Variants in FAM13A observed in about 807,000 individuals in gnomAD.
The protein encoded by FAM13A is family with sequence similarity 13 member A, also known as protein FAM13A.
Under a neutral mutation model 129.6 loss-of-function variants are expected in FAM13A, and 76 were observed. That is an observed-to-expected ratio of 0.59 (90% CI 0.49 to 0.71). The LOEUF is 0.71. Ranked by LOEUF, FAM13A falls within the 30% of genes least tolerant of loss-of-function variation. The probability of loss-of-function intolerance (pLI) is 0.00; values close to 1 mark genes in which losing one functional copy is unlikely to be tolerated. For synonymous variants in FAM13A, 443 were observed against 449.9 expected (o/e 0.98, Z 0.20); for missense variants, 1,108 against 1,249.3 (o/e 0.89, Z 1.70).
At chr4:88,913,208 GAAC>G (rs1749419825) in intron 5 of FAM13A, among the ~76,000 whole-genome samples, 5 of 117,898 alleles carry the variant, frequency 4.2e-5, no homozygotes, top group Admixed American at 1.7e-4. Context: ...AGAGGAAGAA[GAAC>G]AGGAGGAAGA....
At chr4:88,964,684 G>A (rs1268713434) in intron 4 of FAM13A, among the ~76,000 whole-genome samples, 1 of 146,852 alleles carries the variant, frequency 6.8e-6, no homozygotes, top group Non-Finnish European at 1.5e-5. Context: ...CTGGAGTGAA[G>A]TGGTGCTACC....
At chr4:88,990,608 T>C (rs1762811954) in intron 4 of FAM13A, 2 of 166,664 alleles carry the variant, frequency 1.2e-5, no homozygotes, top group South Asian at 3.6e-4. Flanking sequence ...TTGGCAATAA[T>C]TTGAACTTTA....
At chr4:88,774,526 CAGG>C (rs1259069119) in intron 11 of FAM13A, among the ~76,000 whole-genome samples, 1 of 152,022 alleles carries the variant, frequency 6.6e-6, no homozygotes, top group East Asian at 1.9e-4. Flanking sequence ...GGTTTTTTAA[CAGG>C]AGTTCTTGCT....
chr4:88,863,589 C>G (rs1430185905), intron 6 of FAM13A, among the ~76,000 whole-genome samples: 2 of 152,164 alleles, frequency 1.3e-5, no homozygotes, highest in Admixed American at 6.5e-5. Context: ...CTGGGACTTA[C>G]ATCTGAAATT....
chr4:89,048,205 T>C (rs977549661), intron 1 of FAM13A, among the ~76,000 whole-genome samples: 1 of 152,184 alleles, frequency 6.6e-6, no homozygotes, highest in Admixed American at 6.5e-5. Context: ...CCTAGCAGCA[T>C]TATTGATAAT....
chr4:88,866,992 G>GTAAA (rs1260792342), intron 6 of FAM13A, among the ~76,000 whole-genome samples: 2 of 152,110 alleles, frequency 1.3e-5, no homozygotes, highest in African/African-American at 4.8e-5. Context: ...AAGCAGTTAG[G>GTAAA]TAAATATACA....
rs563553124 is a variant in FAM13A, at chr4:89,008,572, C to T, written c.427+11888G>A. Among the ~76,000 whole-genome samples, 3 of 152,314 alleles carry T rather than the reference C, an allele frequency of 2.0e-5. No individual in the cohort carries two copies. In the South Asian group the frequency reaches 6.2e-4, roughly 32 times the overall value. Reference sequence around the variant, plus strand: ...TTATGGTGGCCCTAGCTGATTAATACAAGCAGTATAAAATAAAAAGGCTAG... The same window carrying T: ...TTATGGTGGCCCTAGCTGATTAATATAAGCAGTATAAAATAAAAAGGCTAG... On this transcript the variant is annotated intron_variant, in intron 3 of 23. Coordinates refer to ENST00000264344, the MANE Select transcript of FAM13A (RefSeq NM_014883.4).
At chr4:89,011,331 T>C (rs1480423459) in intron 3 of FAM13A, among the ~76,000 whole-genome samples, 2 of 152,182 alleles carry the variant, frequency 1.3e-5, no homozygotes, top group Non-Finnish European at 2.9e-5. Context: ...CCCTGAATTG[T>C]ACTTAAAAAT....
intron 1 of FAM13A, among the ~76,000 whole-genome samples, chr4:89,034,980 G>A (rs1175588157): frequency 1.3e-5 from 2 of 152,174 alleles, no homozygotes; most frequent in Admixed American, 6.5e-5. Flanking sequence ...ATGAATTTGG[G>A]TGCCCATGAG....
At chr4:88,747,250 G>C in intron 18 of FAM13A, among the ~76,000 whole-genome samples, 1 of 152,124 alleles carries the variant, frequency 6.6e-6, no homozygotes, top group East Asian at 1.9e-4. Flanking sequence ...GCAAAGGTAA[G>C]GTGAACACTG....
chr4:88,751,260 CA>C (rs1471654495), intron 14 of FAM13A, among the ~76,000 whole-genome samples: 1 of 149,840 alleles, frequency 6.7e-6, no homozygotes, highest in East Asian at 2.0e-4. Context: ...AACAAGCAAA[CA>C]AAAAAAAACA....
intron 6 of FAM13A, among the ~76,000 whole-genome samples, chr4:88,895,382 C>T (rs1361830075): frequency 6.6e-6 from 1 of 151,816 alleles, no homozygotes; most frequent in Non-Finnish European, 1.5e-5. Flanking sequence ...GTCTAAAACA[C>T]CAAAAGCAAT....
rs763541952 is a variant in FAM13A at position 89,057,162 on chromosome 4, T to G, written c.-198A>C. ...TGCTTCTCTTTCCGCTGAACCCACA[T>G]GGCTGGAAGGACTGCCTGGAGTTGA... On this transcript the variant is annotated 5_prime_UTR_variant, in exon 1 of 24. An upstream start codon of the reference 5' UTR is lost. Coordinates refer to ENST00000264344, the MANE Select transcript of FAM13A (RefSeq NM_014883.4). 4.2e-6 allele frequency: 6 copies of G among 1,427,156 alleles called. No homozygotes were observed. Among genetic ancestry groups the G allele is most frequent in the Non-Finnish European group, 5.5e-6 (6 of 1,092,192 alleles). The allele number at this position is 1,427,156 out of a possible 1,614,324, so 88.4% of individuals were successfully genotyped here. A position where few individuals can be genotyped will look rare whatever the true frequency, so the allele number is the denominator to read the frequency against.
At chr4:88,847,853 C>A (rs887790835) in intron 7 of FAM13A, among the ~76,000 whole-genome samples, 1 of 151,778 alleles carries the variant, frequency 6.6e-6, no homozygotes, top group Non-Finnish European at 1.5e-5. Flanking sequence ...AGGAGAATGG[C>A]GTGAACCCAG....
chr4:89,029,292 G>A (rs1269561760), intron 2 of FAM13A, among the ~76,000 whole-genome samples, 168 bp downstream of exon 2: 1 of 152,174 alleles, frequency 6.6e-6, no homozygotes. Flanking sequence ...ATCATGTTAA[G>A]CAGTAATGCC....
At chr4:88,817,107 C>T (rs1730890134) in intron 7 of FAM13A, among the ~76,000 whole-genome samples, 1 of 152,014 alleles carries the variant, frequency 6.6e-6, no homozygotes, top group Non-Finnish European at 1.5e-5. Flanking sequence ...AAACATTATA[C>T]CAAGGGGAAG....
intron 7 of FAM13A, among the ~76,000 whole-genome samples, chr4:88,845,184 A>T (rs1366006260): frequency 7.8e-6 from 1 of 128,008 alleles, no homozygotes; most frequent in Admixed American, 7.3e-5. Context: ...GGAGACATTG[A>T]AAAAAAAACA....
At chr4:88,945,990 G>GTGTGTGTGTGTATGTATA in intron 4 of FAM13A, among the ~76,000 whole-genome samples, 1 of 61,964 alleles carries the variant, frequency 1.6e-5, no homozygotes, top group Non-Finnish European at 2.9e-5. Flanking sequence ...GTGTGTGTGT[G>GTGTGTGTGTGTATGTATA]TATATATATA....
At chr4:88,738,950 G>A (rs978190121) in intron 20 of FAM13A, 80 bp downstream of exon 20, 1 of 886,848 alleles carries the variant, frequency 1.1e-6, no homozygotes, top group Admixed American at 1.7e-5. Context: ...TGAGAAAGCA[G>A]GTTAGGGCCC....
Sources: gnomAD v4.1 joint callset for allele counts (sites outside exome capture counted in the v4.1 genomes callset) on GRCh38, gnomAD v4.1.1 for gene constraint, MANE v1.5 for transcripts, NCBI Gene and HGNC (gene_info 2026-07-23, HGNC 2026-07-21) for gene names.